The following ITGA8 variants were observed in gnomAD, a reference collection of about 807,000 sequenced individuals.
ITGA8 encodes integrin alpha-8.
In ITGA8, 91 loss-of-function variants were observed where a neutral mutation model predicts 142.3. The ratio of observed to expected loss-of-function variants is 0.64; its 90% CI spans 0.54 to 0.76. The LOEUF is 0.76. Ranked by LOEUF, ITGA8 falls within the 30% of genes least tolerant of loss-of-function variation. The pLI, the probability that ITGA8 is intolerant of heterozygous loss-of-function variation, is 0.00. For synonymous variants in ITGA8, 505 were observed against 485.2 expected, an observed-to-expected ratio of 1.04 and a Z score of -0.54; for missense variants, 1,406 against 1,327.7, an observed-to-expected ratio of 1.06 and a Z score of -0.92.
intron 24 of ITGA8, among the ~76,000 whole-genome samples, chr10:15,573,679 C>G (rs1034238817): frequency 3.3e-5 from 5 of 151,984 alleles, no homozygotes; most frequent in Non-Finnish European, 5.9e-5. Context: ...ATTCATGTCC[C>G]TTGTAGCTCA....
At chr10:15,669,955 G>A (rs925260176) in intron 8 of ITGA8, among the ~76,000 whole-genome samples, 6 of 152,144 alleles carry the variant, frequency 3.9e-5, no homozygotes, top group African/African-American at 1.4e-4. Flanking sequence ...GGCTACTCAG[G>A]GGTCAGGGAC....
chr10:15,573,526 A>G (rs770124494), intron 24 of ITGA8, among the ~76,000 whole-genome samples: 1 of 152,082 alleles, frequency 6.6e-6, no homozygotes, highest in Non-Finnish European at 1.5e-5. Context: ...AGCTTTGGAC[A>G]AGGCTCCTGA....
rs1204402678 is a variant in ITGA8 at position 15,558,219 on chromosome 10, G to A, written c.2638-17C>T. On this transcript the variant is annotated splice_polypyrimidine_tract_variant and intron_variant, in intron 25 of 29. Coordinates refer to ENST00000378076, the MANE Select transcript of ITGA8 (RefSeq NM_003638.3). The stretch of plus-strand genomic sequence containing the variant: ...GGCAGCAGGCTGCAAAAAGAAAGTG[G>A]GAGATACCACATTAAAAACACATGA... 1.9e-6 allele frequency: 3 copies of A among 1,613,638 alleles called. No homozygotes were observed. The highest frequency in any genetic ancestry group is 3.3e-5 in the Admixed American group (2 of 59,960).
chr10:15,687,477 G>T (rs1196242000), intron 3 of ITGA8, among the ~76,000 whole-genome samples: 4 of 152,072 alleles, frequency 2.6e-5, no homozygotes, highest in Admixed American at 6.6e-5. Context: ...AAGTATTAAT[G>T]AACTCAGAGA....
At chr10:15,681,562 C>G (rs185239811) in intron 4 of ITGA8, among the ~76,000 whole-genome samples, 200 of 152,274 alleles carry the variant, frequency 1.3e-3, no homozygotes, top group African/African-American at 4.5e-3. Context: ...AAACTTTTCC[C>G]CTACAAGTCT....
intron 8 of ITGA8, among the ~76,000 whole-genome samples, chr10:15,662,769 T>C (rs1834314038): frequency 6.6e-6 from 1 of 152,352 alleles, no homozygotes; most frequent in Admixed American, 6.5e-5. Context: ...AAAGGTTCTA[T>C]CACCATTGAA....
At chr10:15,635,918 TACACACACACACAC>T (rs4030579) in intron 13 of ITGA8, among the ~76,000 whole-genome samples, 18 of 143,044 alleles carry the variant, frequency 1.3e-4, no homozygotes, top group East Asian at 4.2e-4. Flanking sequence ...TTGCTTATAC[TACACACACACACAC>T]ACACACACAC....
At chr10:15,618,645 A>C (rs927909089) in intron 13 of ITGA8, among the ~76,000 whole-genome samples, 1 of 152,126 alleles carries the variant, frequency 6.6e-6, no homozygotes, top group African/African-American at 2.4e-5. Context: ...ACCTGTCAGC[A>C]CGGCCAAAAT....
In ITGA8 at chr10:15,647,063, A is replaced by G; in HGVS notation, c.1002-12T>C. The stretch of plus-strand genomic sequence containing the variant: ...GGACATCATCCAGTCTGTAAGGAAC[A>G]AAGAAAGCAGCTCAGCACGCTAGCA... On this transcript the variant is annotated splice_polypyrimidine_tract_variant and intron_variant, in intron 11 of 29. Coordinates refer to ENST00000378076, the MANE Select transcript of ITGA8 (RefSeq NM_003638.3). 2 of 1,608,862 alleles carry G rather than the reference A, an allele frequency of 1.2e-6. No homozygotes were observed. The highest frequency in any genetic ancestry group is 1.7e-6 in the Non-Finnish European group (2 of 1,176,442).
intron 11 of ITGA8, among the ~76,000 whole-genome samples, chr10:15,649,826 T>C (rs1048375516): frequency 3.3e-5 from 5 of 152,218 alleles, no homozygotes; most frequent in Non-Finnish European, 4.4e-5. Context: ...GTAGAACAAC[T>C]CTAATTAATT....
At chr10:15,665,024 T>C (rs1422133294) in intron 8 of ITGA8, among the ~76,000 whole-genome samples, 1 of 152,214 alleles carries the variant, frequency 6.6e-6, no homozygotes, top group Non-Finnish European at 1.5e-5. Context: ...CCTTTGGGTA[T>C]ATACCCAGTA....
chr10:15,709,972 G>T (rs1479015535), intron 2 of ITGA8, among the ~76,000 whole-genome samples: 1 of 152,104 alleles, frequency 6.6e-6, no homozygotes, highest in African/African-American at 2.4e-5. Context: ...GAACAACTAA[G>T]ATGCCATCTT....
intron 6 of ITGA8, 92 bp downstream of exon 6, chr10:15,677,500 G>A (rs988026845): frequency 3.1e-6 from 3 of 956,898 alleles, no homozygotes; most frequent in South Asian, 1.5e-5. Flanking sequence ...TAAAATTAAG[G>A]TAATAGAAAG....
At chr10:15,700,922 A>G (rs962090175) in intron 2 of ITGA8, among the ~76,000 whole-genome samples, 1 of 152,242 alleles carries the variant, frequency 6.6e-6, no homozygotes, top group African/African-American at 2.4e-5. Flanking sequence ...ATAGTATACA[A>G]TACTATATAG....
intron 13 of ITGA8, among the ~76,000 whole-genome samples, chr10:15,635,548 C>T (rs1588689071): frequency 2.6e-5 from 4 of 152,094 alleles, no homozygotes; most frequent in Admixed American, 2.6e-4. Context: ...TTTTCACTTT[C>T]CACTCATTTT....
At chr10:15,714,720 G>A (rs1488328190) in intron 2 of ITGA8, among the ~76,000 whole-genome samples, 1 of 151,980 alleles carries the variant, frequency 6.6e-6, no homozygotes, top group African/African-American at 2.4e-5. Context: ...AACCTGAAAG[G>A]CAGTTTTTAG....
intron 13 of ITGA8, among the ~76,000 whole-genome samples, chr10:15,626,542 C>A (rs556769717): frequency 6.6e-6 from 1 of 152,272 alleles, no homozygotes; most frequent in African/African-American, 2.4e-5. Flanking sequence ...TTTTGCCAAT[C>A]AAATCGCTGC....
At chr10:15,525,291 C>T (rs976602153) in intron 28 of ITGA8, among the ~76,000 whole-genome samples, 7 of 152,000 alleles carry the variant, frequency 4.6e-5, no homozygotes, top group Non-Finnish European at 8.8e-5. Flanking sequence ...CAGCACTGCC[C>T]AATAGAAATA....
chr10:15,582,355 A>C (rs548892844), intron 23 of ITGA8, among the ~76,000 whole-genome samples: 1 of 152,360 alleles, frequency 6.6e-6, no homozygotes, highest in South Asian at 2.1e-4. Context: ...CTAGAAGAAA[A>C]TACAGGTGAA....
Sources: gnomAD v4.1 joint callset for allele counts (sites outside exome capture counted in the v4.1 genomes callset) on GRCh38, gnomAD v4.1.1 for gene constraint, MANE v1.5 for transcripts, NCBI Gene and HGNC (gene_info 2026-07-23, HGNC 2026-07-21) for gene names.